Variants in MAPK3 observed in about 807,000 individuals in gnomAD.
The protein encoded by MAPK3 is MAPK 1.
MAPK3 carries 30 observed loss-of-function variants against 41.8 expected under a neutral mutation model. The observed-to-expected ratio is 0.72, with a 90% CI of 0.54 to 0.97. The LOEUF is 0.97. Among genes scored for constraint, MAPK3 ranks in the 50% least tolerant of loss-of-function variants. MAPK3 has a pLI of 0.00. For synonymous variants in MAPK3, 222 were observed against 213.4 expected (o/e 1.04, Z -0.35); for missense variants, 413 against 509.9 (o/e 0.81, Z 1.83).
intron 8 of MAPK3, among the ~76,000 whole-genome samples, chr16:30,115,073 CAA>C (rs35952168): frequency 3.2e-4 from 21 of 65,480 alleles, no homozygotes; most frequent in Admixed American, 3.7e-4. Flanking sequence ...CCCAGCTCCA[CAA>C]AAAAAAAAAA....
chr16:30,120,272 G>A (rs1010255085), intron 2 of MAPK3, among the ~76,000 whole-genome samples: 2 of 152,192 alleles, frequency 1.3e-5, no homozygotes, highest in African/African-American at 2.4e-5. Context: ...GAGGCCCAGC[G>A]AGACGCAGTG....
chr16:30,122,419 G>C (rs2073025815), intron 1 of MAPK3: 1 of 292,468 alleles, frequency 3.4e-6, no homozygotes, highest in African/African-American at 2.2e-5. Context: ...AATGGACAGG[G>C]CAGGGGAGGG....
Position 30,116,661 on chromosome 16 carries a change from G to A in MAPK3, c.*7C>T. ...CAGGCCCCAGGGTGCAGAGATGTCT[G>A]TCTGGGCTAGGGGGCCTCCAGCACT... On this transcript the variant is annotated 3_prime_UTR_variant, in exon 8 of 9. Coordinates refer to ENST00000263025, the MANE Select transcript of MAPK3 (RefSeq NM_002746.3). 1 of 1,612,980 alleles carries A rather than the reference G, an allele frequency of 6.2e-7. No individual in the cohort carries two copies. Among genetic ancestry groups the A allele is most frequent in the Non-Finnish European group, 8.5e-7 (1 of 1,179,938 alleles).
chr16:30,117,843 T>C, intron 4 of MAPK3, 59 bp from the exon 5 acceptor site: 1 of 1,367,262 alleles, frequency 7.3e-7, no homozygotes, highest in Non-Finnish European at 1.0e-6. Flanking sequence ...TCCTGTTGTC[T>C]GCGCCAGGCC....
In MAPK3 at chr16:30,117,669, C is replaced by T; in HGVS notation, c.775+1G>A. On this transcript the variant is annotated splice_donor_variant, in intron 5 of 8. Transcript: ENST00000263025. LOFTEE classifies it high-confidence loss of function. Reference sequence around the variant, plus strand: ...AACTCAGCCAGCCGGGCCTCCCTCACCCAGAATGTGGTTGAGCTGATCCAG... The same window carrying T: ...AACTCAGCCAGCCGGGCCTCCCTCATCCAGAATGTGGTTGAGCTGATCCAG... 1 of 1,612,470 alleles carries T rather than the reference C, an allele frequency of 6.2e-7. No individual in the cohort carries two copies. Among genetic ancestry groups the T allele is most frequent in the Non-Finnish European group, 8.5e-7 (1 of 1,178,524 alleles).
Position 30,116,696 on chromosome 16 carries a change from A to C in MAPK3, c.1112T>G (p.Phe371Cys), listed in dbSNP as rs986826212. Residue 371 changes from phenylalanine (F) to cysteine (C), a missense_variant, in exon 8 of 9, where the codon TTC becomes TGC. By Grantham distance (205) the Phe-to-Cys change is radical. Around this residue, in one of 4 missense-constraint regions of MAPK3, gnomAD observed 123 missense variants for 147.8 expected, o/e 0.83. Transcript: ENST00000263025. ...KELIFQETAR[F>C]QPGVLEAP is the part of the protein sequence containing the mutation. ...GGGGGCCTCCAGCACTCCGGGCTGG[A>C]AGCGTGCTGTCTCCTGGAAGATGAG... 1.2e-6 allele frequency: 2 copies of C among 1,613,736 alleles called. No homozygotes were observed. The highest frequency in any genetic ancestry group is 1.7e-6 in the Non-Finnish European group (2 of 1,180,000).
rs752745652 is a variant in MAPK3 at position 30,121,789 on chromosome 16, T to C, written c.353+35A>G. The stretch of plus-strand genomic sequence containing the variant: ...GGTCCCCAGCCCAGCTGCGAGGCCG[T>C]GCCTGACCAGCCGACTGGCCAAGGT... On this transcript the variant is annotated intron_variant, in intron 2 of 8. Coordinates refer to ENST00000263025, the MANE Select transcript of MAPK3 (RefSeq NM_002746.3). 3.7e-6 allele frequency: 6 copies of C among 1,602,940 alleles called. No homozygotes were observed. The Admixed American group carries it at 6.7e-5, about 18-fold the overall frequency.
At chr16:30,116,539 G>T in intron 8 of MAPK3, 97 bp downstream of exon 8, 1 of 1,322,046 alleles carries the variant, frequency 7.6e-7, no homozygotes, top group Non-Finnish European at 1.0e-6. Flanking sequence ...TAAGCTTGCT[G>T]CTGTATGGAG....
chr16:30,121,873 C>T lies in MAPK3; in HGVS notation c.304G>A (p.Gly102Ser), dbSNP rs1291454132. 6.8e-6 allele frequency: 11 copies of T among 1,614,018 alleles called. No individual in the cohort carries two copies. The highest frequency in any genetic ancestry group is 9.3e-6 in the Non-Finnish European group (11 of 1,180,030). Reference sequence around the variant, plus strand: ...GACGCCCGCAGAATGTCTCGGATGCCGATGACATTCTCATGGCGGAAGCGC... The same window carrying T: ...GACGCCCGCAGAATGTCTCGGATGCTGATGACATTCTCATGGCGGAAGCGC... ...LLRFRHENVI[G>S]IRDILRASTL... Residue 102 changes from glycine (G) to serine (S), a missense_variant, in exon 2 of 9, where the codon GGC becomes AGC. Gly to Ser is a moderately conservative substitution (Grantham distance 56). Around this residue, in one of 4 missense-constraint regions of MAPK3, gnomAD observed 140 missense variants for 206.0 expected, o/e 0.68. Coordinates refer to ENST00000263025, the MANE Select transcript of MAPK3 (RefSeq NM_002746.3).
chr16:30,121,233 C>CA (rs1165547532), intron 2 of MAPK3, among the ~76,000 whole-genome samples: 2 of 152,126 alleles, frequency 1.3e-5, no homozygotes, highest in Non-Finnish European at 2.9e-5. Context: ...CTCTGCCTCC[C>CA]AAGTAGCTGG....
chr16:30,118,177 T>G lies in MAPK3; in HGVS notation c.544-14A>C. 6.2e-7 allele frequency: 1 copy of G among 1,611,856 alleles called. No homozygotes were observed. Among genetic ancestry groups the G allele is most frequent in the East Asian group, 2.2e-5 (1 of 44,874 alleles). On this transcript the variant is annotated splice_polypyrimidine_tract_variant and intron_variant, in intron 3 of 8. Transcript: ENST00000263025. ...GAAATCACAAATCTGGAATCAGACC[T>G]AGCTGCTAAGCTCGGCGCTCAAGGC...
chr16:30,119,802 C>T (rs771188291), intron 2 of MAPK3, among the ~76,000 whole-genome samples: 13 of 152,114 alleles, frequency 8.5e-5, no homozygotes, highest in East Asian at 1.9e-4. Context: ...AAAGCTTATG[C>T]GTAAATAAAT....
chr16:30,118,656 A>G (rs1339493039), intron 2 of MAPK3, 118 bp from the exon 3 acceptor site: 3 of 750,708 alleles, frequency 4.0e-6, no homozygotes, highest in East Asian at 2.8e-5. Flanking sequence ...CTGGGACTCA[A>G]TAGATCTGCC....
intron 2 of MAPK3, among the ~76,000 whole-genome samples, chr16:30,119,182 G>A (rs1276605214): frequency 3.4e-5 from 5 of 148,158 alleles, no homozygotes; most frequent in Non-Finnish European, 7.5e-5. Flanking sequence ...CCTACAAAAA[G>A]AGCAGCAACT....
chr16:30,117,855 C>T (rs2072973966), intron 4 of MAPK3, 71 bp from the exon 5 acceptor site: 4 of 1,286,002 alleles, frequency 3.1e-6, no homozygotes, highest in South Asian at 1.2e-5. Flanking sequence ...CGCCAGGCCA[C>T]CACCTCCAAG....
intron 5 of MAPK3, 59 bp from the exon 6 acceptor site, chr16:30,117,344 G>A (rs1348180837): frequency 1.3e-6 from 2 of 1,566,246 alleles, no homozygotes; most frequent in African/African-American, 1.4e-5. Context: ...GAACAGAATA[G>A]GCAACAAGGC....
At chr16:30,118,789 C>G (rs564306680) in intron 2 of MAPK3, among the ~76,000 whole-genome samples, 1 of 152,042 alleles carries the variant, frequency 6.6e-6, no homozygotes, top group African/African-American at 2.4e-5. Flanking sequence ...AGTTTCCCTA[C>G]CGGGGAAACG....
At chr16:30,122,990 G>T in intron 1 of MAPK3, 50 bp downstream of exon 1, 1 of 1,372,348 alleles carries the variant, frequency 7.3e-7, no homozygotes, top group Non-Finnish European at 9.6e-7. Flanking sequence ...CTCCTCTCCC[G>T]CGAAGCCCCC....
chr16:30,122,190 G>T (rs2073023552), intron 1 of MAPK3, 184 bp from the exon 2 acceptor site: 1 of 630,170 alleles, frequency 1.6e-6, no homozygotes, highest in Non-Finnish European at 2.8e-6. Flanking sequence ...CTGGGGACCA[G>T]CCAGGCGGCC....
Sources: allele counts gnomAD v4.1 joint callset (sites outside exome capture counted in the v4.1 genomes callset), GRCh38; gene constraint gnomAD v4.1.1; regional missense constraint gnomAD v4.1.1; transcripts MANE v1.5; gene names NCBI Gene and HGNC (gene_info 2026-07-23, HGNC 2026-07-21).